Variants in NCOA7 observed in about 807,000 individuals in gnomAD.
NCOA7 encodes 140 kDa estrogen receptor-associated protein.
NCOA7 carries 45 observed loss-of-function variants against 104.3 expected under a neutral mutation model. That is an observed-to-expected ratio of 0.43 (90% CI 0.34 to 0.55). The LOEUF is 0.55. Among genes scored for constraint, NCOA7 ranks in the 20% least tolerant of loss-of-function variants. The probability of loss-of-function intolerance (pLI) is 0.02; values close to 1 mark genes in which losing one functional copy is unlikely to be tolerated. For missense variants in NCOA7, 1,041 were observed against 1,119.7 expected, an observed-to-expected ratio of 0.93 and a Z score of 1.00; for synonymous variants, 398 against 402.3, an observed-to-expected ratio of 0.99 and a Z score of 0.13.
At chr6:125,853,193 G>A (rs1477638008) in intron 2 of NCOA7, among the ~76,000 whole-genome samples, 2 of 151,874 alleles carry the variant, frequency 1.3e-5, no homozygotes, top group African/African-American at 4.8e-5. Flanking sequence ...TTGAGTTCTT[G>A]ATTTGATTGT....
intron 11 of NCOA7, among the ~76,000 whole-genome samples, chr6:125,920,145 A>G (rs1787443572): frequency 6.6e-6 from 1 of 152,248 alleles, no homozygotes; most frequent in Admixed American, 6.5e-5. Context: ...GTTTTGTACA[A>G]TATGATGTTT....
intron 13 of NCOA7, among the ~76,000 whole-genome samples, chr6:125,925,650 C>T (rs1787958243): frequency 6.6e-6 from 1 of 152,050 alleles, no homozygotes; most frequent in Non-Finnish European, 1.5e-5. Context: ...ACAAATATAG[C>T]AATAGATTGT....
intron 3 of NCOA7, among the ~76,000 whole-genome samples, chr6:125,867,829 G>A (rs1052464938): frequency 2.0e-5 from 3 of 152,166 alleles, no homozygotes; most frequent in African/African-American, 7.2e-5. Context: ...CCAAAGAAAG[G>A]GGGTGGAGCT....
chr6:125,867,341 A>C (rs1169662083), intron 3 of NCOA7, among the ~76,000 whole-genome samples: 4 of 152,252 alleles, frequency 2.6e-5, no homozygotes, highest in Non-Finnish European at 4.4e-5. Flanking sequence ...ACTAGATTTC[A>C]GAACCAAGTT....
chr6:125,889,767 A>G lies in NCOA7; in HGVS notation c.1713A>G (p.Ile571Met). The G allele has an allele frequency of 6.2e-7, 1 of 1,612,484 alleles. No individual in the cohort carries two copies. Among genetic ancestry groups the G allele is most frequent in the Non-Finnish European group, 8.5e-7 (1 of 1,179,416 alleles). Residue 571 changes from isoleucine (I) to methionine (M), a missense_variant, in exon 9 of 16, where the codon ATA (isoleucine) becomes ATG (methionine). Ile to Met is a conservative substitution (Grantham distance 10, BLOSUM62 1). This residue lies in a region of NCOA7 where 914 missense variants were observed against 942.7 expected (regional missense o/e 0.97). Coordinates refer to ENST00000392477, the MANE Select transcript of NCOA7 (RefSeq NM_181782.5). ...CTCTTTCCCAGGCGGGTGATCCCAT[A>G]ACTGAGGGCAATAAAGAGCCAGATA... ...SSSLSQAGDP[I>M]TEGNKEPDKT...
At chr6:125,859,583 A>G (rs1014084365) in intron 3 of NCOA7, among the ~76,000 whole-genome samples, 12 of 152,224 alleles carry the variant, frequency 7.9e-5, no homozygotes, top group Admixed American at 7.2e-4. Context: ...TGTATATTAC[A>G]CATAGTTATT....
At chr6:125,832,807 A>G (rs559581988) in intron 2 of NCOA7, among the ~76,000 whole-genome samples, 13 of 152,346 alleles carry the variant, frequency 8.5e-5, no homozygotes, top group African/African-American at 3.1e-4. Flanking sequence ...CTTTGGCAGG[A>G]CACAGGAGGA....
At chr6:125,867,264 A>G (rs1204641326) in intron 3 of NCOA7, among the ~76,000 whole-genome samples, 1 of 152,218 alleles carries the variant, frequency 6.6e-6, no homozygotes, top group Non-Finnish European at 1.5e-5. Flanking sequence ...ACAGACAATT[A>G]TGTTATCTGC....
chr6:125,820,206 G>A (rs960324983), intron 2 of NCOA7, among the ~76,000 whole-genome samples: 1 of 152,150 alleles, frequency 6.6e-6, no homozygotes, highest in Non-Finnish European at 1.5e-5. Flanking sequence ...GCAAAGTGTA[G>A]AACATTTCTT....
intron 10 of NCOA7, among the ~76,000 whole-genome samples, chr6:125,896,930 CA>C (rs138546023): frequency 0.013 from 2,030 of 152,296 alleles, 18 homozygotes; most frequent in Non-Finnish European, 0.022. Context: ...ACTCAATAGA[CA>C]GTTATGTTTT....
intron 3 of NCOA7, among the ~76,000 whole-genome samples, chr6:125,873,626 G>A (rs146993568): frequency 1.4e-3 from 207 of 152,242 alleles, no homozygotes; most frequent in South Asian, 1.2e-3. Context: ...CCCTTATGAT[G>A]TACATAAAGT....
At chr6:125,871,087 C>T (rs1231398849) in intron 3 of NCOA7, among the ~76,000 whole-genome samples, 1 of 152,196 alleles carries the variant, frequency 6.6e-6, no homozygotes, top group Admixed American at 6.5e-5. Flanking sequence ...TTCTGAGGGA[C>T]ACTTGGCCAA....
rs544161403 is a variant in NCOA7, at chr6:125,794,345, T to C, written c.-65+3278T>C. The stretch of plus-strand genomic sequence containing the variant: ...ATCAAATCATTGATTATATTTCCCT[T>C]TCTAACTTGGCAACTAGGAAATGAA... On this transcript the variant is annotated intron_variant, in intron 1 of 15. Transcript: ENST00000392477. 2.0e-4 allele frequency among the ~76,000 whole-genome samples: 30 copies of C among 152,288 alleles called. 1 individual carries two copies. The South Asian group carries it at 5.6e-3, about 28-fold the overall frequency.
intron 2 of NCOA7, among the ~76,000 whole-genome samples, chr6:125,847,803 T>C (rs1051874093): frequency 6.6e-6 from 1 of 152,040 alleles, no homozygotes; most frequent in Non-Finnish European, 1.5e-5. Context: ...AATTGACAAA[T>C]GGGATCTAAT....
chr6:125,860,883 T>A (rs1781989757), intron 3 of NCOA7, among the ~76,000 whole-genome samples: 1 of 152,226 alleles, frequency 6.6e-6, no homozygotes, highest in African/African-American at 2.4e-5. Context: ...TTATTATGAT[T>A]ATGTAATGTT....
At chr6:125,820,700 A>G (rs931656772) in intron 2 of NCOA7, among the ~76,000 whole-genome samples, 2 of 152,164 alleles carry the variant, frequency 1.3e-5, no homozygotes, top group African/African-American at 4.8e-5. Flanking sequence ...TTCTGTGTCT[A>G]CCTACATCTT....
chr6:125,856,493 G>C lies in NCOA7; in HGVS notation c.271+1253G>C, dbSNP rs549097549. On this transcript the variant is annotated intron_variant, in intron 3 of 15. Transcript: ENST00000392477. ...TCAGCCTCCCGAGTAGCTGGGACTA[G>C]AGGCACCCGCCACCACGCCCGGCTA... is the stretch of plus-strand genomic sequence containing the variant. Among the ~76,000 whole-genome samples the C allele has an allele frequency of 7.9e-5, 12 of 151,934 alleles. No homozygotes were observed. In the East Asian group the frequency reaches 2.1e-3, roughly 27 times the overall value.
chr6:125,844,915 A>G (rs1780471725), intron 2 of NCOA7, among the ~76,000 whole-genome samples: 1 of 152,176 alleles, frequency 6.6e-6, no homozygotes, highest in African/African-American at 2.4e-5. Context: ...GAAACCAGGC[A>G]CAGGTTGTGT....
At chr6:125,905,839 C>T (rs1319885672) in intron 10 of NCOA7, among the ~76,000 whole-genome samples, 2 of 152,018 alleles carry the variant, frequency 1.3e-5, no homozygotes, top group Non-Finnish European at 2.9e-5. Context: ...CTTGCTTTGT[C>T]GCCCAGGCTG....
Sources: allele counts gnomAD v4.1 joint callset (sites outside exome capture counted in the v4.1 genomes callset), GRCh38; gene constraint gnomAD v4.1.1; regional missense constraint gnomAD v4.1.1; transcripts MANE v1.5; gene names NCBI Gene and HGNC (gene_info 2026-07-23, HGNC 2026-07-21).